TRAF6: variants seen among roughly 807,000 people sequenced by gnomAD.
TRAF6 encodes the protein TNF receptor-associated factor 6.
A neutral mutation model predicts 48.4 loss-of-function variants in TRAF6; 10 were observed. The ratio of observed to expected loss-of-function variants is 0.21; its 90% CI spans 0.13 to 0.35. The LOEUF (loss-of-function observed/expected upper bound fraction) is 0.35, where lower values mean the gene tolerates loss of function less well. Among genes scored for constraint, TRAF6 ranks in the 10% least tolerant of loss-of-function variants. TRAF6 has a pLI of 1.00. For synonymous variants in TRAF6, 186 were observed against 219.6 expected (o/e 0.85, Z 1.35); for missense variants, 397 against 661.0 (o/e 0.60, Z 4.38).
chr11:36,493,797 G>A (rs1859593862), intron 5 of TRAF6, among the ~76,000 whole-genome samples: 3 of 152,152 alleles, frequency 2.0e-5, no homozygotes, highest in Admixed American at 6.5e-5. Context: ...GACTTCATAA[G>A]CAAAAGATGT....
chr11:36,492,099 A>G (rs765439891), intron 6 of TRAF6, among the ~76,000 whole-genome samples: 3 of 152,210 alleles, frequency 2.0e-5, no homozygotes, highest in Non-Finnish European at 4.4e-5. Flanking sequence ...CTAAATATGT[A>G]CTGGCTCCTA....
intron 4 of TRAF6, 41 bp from the exon 5 acceptor site, chr11:36,495,088 T>A: frequency 6.9e-7 from 1 of 1,458,974 alleles, no homozygotes; most frequent in Non-Finnish European, 9.5e-7. Context: ...CATGAGAATA[T>A]CTGAAAAAGT....
chr11:36,494,201 C>CA (rs993174849), intron 5 of TRAF6, among the ~76,000 whole-genome samples: 7 of 151,870 alleles, frequency 4.6e-5, no homozygotes, highest in Non-Finnish European at 7.4e-5. Flanking sequence ...CCCGTTTCTA[C>CA]AAAAAATCTA....
chr11:36,491,854 G>A (rs1454439204), intron 6 of TRAF6, among the ~76,000 whole-genome samples: 1 of 152,208 alleles, frequency 6.6e-6, no homozygotes, highest in Non-Finnish European at 1.5e-5. Context: ...ATGCATGTCA[G>A]TCATCCCACC....
chr11:36,499,553 C>T (rs1011183405), intron 2 of TRAF6, among the ~76,000 whole-genome samples: 1 of 152,088 alleles, frequency 6.6e-6, no homozygotes, highest in African/African-American at 2.4e-5. Flanking sequence ...GAGCCGAGAT[C>T]GCGCCACTGC....
chr11:36,508,065 C>T (rs1002494278), intron 1 of TRAF6, among the ~76,000 whole-genome samples: 1 of 151,796 alleles, frequency 6.6e-6, no homozygotes, highest in African/African-American at 2.4e-5. Context: ...CCATATTGCC[C>T]AGGCTGGTCT....
rs1443325765 is a variant in TRAF6 at position 36,485,664 on chromosome 11, T to TG, written c.*4173dup. ...AGGATTTTATGACCCGAATTTCCTG[T>TG]GGGGAAAAAGCTTTAAAATATTACA... On this transcript the variant is annotated 3_prime_UTR_variant, in exon 7 of 7. Transcript: ENST00000526995. Among the ~76,000 whole-genome samples the TG allele has an allele frequency of 6.6e-6, 1 of 152,072 alleles. No individual in the cohort carries two copies. The highest frequency in any genetic ancestry group is 6.5e-5 in the Admixed American group (1 of 15,280).
chr11:36,483,921 TTCA>T lies in TRAF6; in HGVS notation c.*5914_*5916del, dbSNP rs1859444863. ...TAAATTAATATTCAAAAAGGTGCCATTCAAGGAACACTTTTGGTCATACCTTGC... is the reference window on the plus strand; with the variant it reads ...TAAATTAATATTCAAAAAGGTGCCATAGGAACACTTTTGGTCATACCTTGC... On this transcript the variant is annotated 3_prime_UTR_variant, in exon 7 of 7. Coordinates refer to ENST00000526995, the MANE Select transcript of TRAF6 (RefSeq NM_004620.4). Among the ~76,000 whole-genome samples the T allele has an allele frequency of 1.3e-5, 2 of 152,168 alleles. No homozygotes were observed. Among genetic ancestry groups the T allele is most frequent in the Admixed American group, 1.3e-4 (2 of 15,278 alleles).
rs901727136 is a variant in TRAF6, at chr11:36,485,841, T to G, written c.*3997A>C. 7.9e-5 allele frequency among the ~76,000 whole-genome samples: 12 copies of G among 152,220 alleles called. No individual in the cohort carries two copies. The highest frequency in any genetic ancestry group is 2.2e-4 in the African/African-American group (9 of 41,484). On this transcript the variant is annotated 3_prime_UTR_variant, in exon 7 of 7. Coordinates refer to ENST00000526995, the MANE Select transcript of TRAF6 (RefSeq NM_004620.4). Reference sequence around the variant, plus strand: ...CATCTTTCTGGATACTGGGAATTTGTAAGTGCCAAGTACACTCTACAGGCA... The same window carrying G: ...CATCTTTCTGGATACTGGGAATTTGGAAGTGCCAAGTACACTCTACAGGCA...
Position 36,486,503 on chromosome 11 carries a change from AAT to A in TRAF6, c.*3333_*3334del, listed in dbSNP as rs1183027749. ...TAAGACTTACTGGTGTAAAAACGGTAATAGAGAATTATACTGTGACCTGTATA... is the reference window on the plus strand; with the variant it reads ...TAAGACTTACTGGTGTAAAAACGGTAAGAGAATTATACTGTGACCTGTATA... On this transcript the variant is annotated 3_prime_UTR_variant, in exon 7 of 7. Transcript: ENST00000526995. Among the ~76,000 whole-genome samples the A allele has an allele frequency of 1.3e-5, 2 of 152,154 alleles. No individual in the cohort carries two copies. The highest frequency in any genetic ancestry group is 1.9e-4 in the East Asian group (1 of 5,200).
Position 36,490,790 on chromosome 11 carries a change from G to A in TRAF6, c.757-140C>T. 1.4e-6 allele frequency: 1 copy of A among 727,808 alleles called. No homozygotes were observed. Among genetic ancestry groups the A allele is most frequent in the Non-Finnish European group, 2.2e-6 (1 of 459,572 alleles). 45.1% of individuals were successfully genotyped at this position (727,808 alleles called of 1,614,324 possible). A position where few individuals can be genotyped will look rare whatever the true frequency, so the allele number is the denominator to read the frequency against. ...CTACAATTTTCCTTTGCCTTCAACA[G>A]ATTCTTGATCCAATGAGGCGACTCT... On this transcript the variant is annotated intron_variant, in intron 6 of 6. Coordinates refer to ENST00000526995, the MANE Select transcript of TRAF6 (RefSeq NM_004620.4). This position sits in a 1 kb window ranked among gnomAD's most constrained non-coding sequence, Gnocchi z 6.4.
chr11:36,502,395 T>C (rs5030443), intron 1 of TRAF6, among the ~76,000 whole-genome samples: 6 of 152,234 alleles, frequency 3.9e-5, no homozygotes, highest in African/African-American at 1.4e-4. Flanking sequence ...TAAACCATTA[T>C]GGTATTTACA....
In TRAF6 at chr11:36,510,170, T is replaced by C. The variant is rs893443492; in HGVS notation, c.-145A>G. 30 of 152,326 alleles carry C rather than the reference T, an allele frequency of 2.0e-4. No homozygotes were observed. The highest frequency in any genetic ancestry group is 3.7e-4 in the Non-Finnish European group (25 of 68,168). 9.4% of individuals were successfully genotyped at this position (152,326 alleles called of 1,614,324 possible). On this transcript the variant is annotated 5_prime_UTR_variant, in exon 1 of 7. Coordinates refer to ENST00000526995, the MANE Select transcript of TRAF6 (RefSeq NM_004620.4). The stretch of plus-strand genomic sequence containing the variant: ...ACACTGCGCGCCGAGACGAGGCTGC[T>C]TGGACGGCAAACTCTGGATCCAGTG...
rs1859497424 is a variant in TRAF6 at position 36,487,202 on chromosome 11, T to C, written c.*2636A>G. 1 of 152,240 alleles carries C rather than the reference T, an allele frequency of 6.6e-6. No homozygotes were observed. Among genetic ancestry groups the C allele is most frequent in the African/African-American group, 2.4e-5 (1 of 41,472 alleles). The allele number at this position is 152,240 out of a possible 1,614,324, so 9.4% of individuals were successfully genotyped here. Reference sequence around the variant, plus strand: ...GAATGATGCCAAAAGATAAATATGGTAAAAGGTGGTTAGTAACATACAACA... The same window carrying C: ...GAATGATGCCAAAAGATAAATATGGCAAAAGGTGGTTAGTAACATACAACA... On this transcript the variant is annotated 3_prime_UTR_variant, in exon 7 of 7. Transcript: ENST00000526995.
chr11:36,497,789 AAAGT>A, intron 3 of TRAF6, among the ~76,000 whole-genome samples: 1 of 152,316 alleles, frequency 6.6e-6, no homozygotes, highest in African/African-American at 2.4e-5. Context: ...AAAACAGAAA[AAAGT>A]ATAATGAGGA....
chr11:36,492,503 T>C (rs756514631), intron 6 of TRAF6, 48 bp downstream of exon 6: 1 of 1,387,986 alleles, frequency 7.2e-7, no homozygotes, highest in Non-Finnish European at 1.0e-6. Context: ...ATGATGTAAA[T>C]ATTTTTTTTT....
intron 1 of TRAF6, among the ~76,000 whole-genome samples, chr11:36,505,351 C>T (rs954151712): frequency 3.9e-5 from 6 of 152,204 alleles, no homozygotes; most frequent in Non-Finnish European, 8.8e-5. Flanking sequence ...TCAACACTTG[C>T]TCTTTCATCT....
At chr11:36,506,976 T>A (rs1444242260) in intron 1 of TRAF6, among the ~76,000 whole-genome samples, 1 of 151,966 alleles carries the variant, frequency 6.6e-6, no homozygotes, top group Non-Finnish European at 1.5e-5. Flanking sequence ...TTTGTCCCTT[T>A]AGTTTTAAGA....
intron 1 of TRAF6, among the ~76,000 whole-genome samples, chr11:36,509,829 G>T (rs1859879249): frequency 6.6e-6 from 1 of 151,934 alleles, no homozygotes; most frequent in Admixed American, 6.6e-5. Flanking sequence ...CGAGAGGACA[G>T]GGGCGGCGTC....
Sources: allele counts gnomAD v4.1 joint callset (sites outside exome capture counted in the v4.1 genomes callset), GRCh38; gene constraint gnomAD v4.1.1; non-coding constraint Gnocchi (gnomAD v3.1); transcripts MANE v1.5; gene names NCBI Gene and HGNC (gene_info 2026-07-23, HGNC 2026-07-21).